CERS3: variants seen among roughly 807,000 people sequenced by gnomAD.
CERS3 encodes LAG1 homolog, ceramide synthase 3.
Under a neutral mutation model 50.3 loss-of-function variants are expected in CERS3, and 33 were observed. That is an observed-to-expected ratio of 0.66 (90% CI 0.50 to 0.88). The LOEUF (loss-of-function observed/expected upper bound fraction) is 0.88. CERS3 is among the 40% of genes least tolerant of loss of function. The pLI, the probability that CERS3 is intolerant of heterozygous loss-of-function variation, is 0.00. For synonymous variants in CERS3, 176 were observed against 155.2 expected (o/e 1.13, Z -0.99); for missense variants, 470 against 460.3 (o/e 1.02, Z -0.19).
At chr15:100,519,572 G>A (rs1197593668) in intron 2 of CERS3, among the ~76,000 whole-genome samples, 3 of 152,162 alleles carry the variant, frequency 2.0e-5, no homozygotes, top group Non-Finnish European at 2.9e-5. Context: ...CTGAGCCCCA[G>A]TGATGTCCTC....
At chr15:100,453,105 C>CA (rs36083318) in intron 11 of CERS3, among the ~76,000 whole-genome samples, 69,858 of 149,086 alleles carry the variant, frequency 0.47, 16,857 homozygotes, top group Non-Finnish European at 0.54. Context: ...TTAAACTATT[C>CA]AAAAAAAAAA....
chr15:100,496,161 T>C (rs1018028675), intron 3 of CERS3, among the ~76,000 whole-genome samples: 3 of 152,248 alleles, frequency 2.0e-5, no homozygotes, highest in African/African-American at 7.2e-5. Flanking sequence ...TAACAGTGCC[T>C]TGAAGAGCAA....
intron 11 of CERS3, among the ~76,000 whole-genome samples, chr15:100,425,671 T>C (rs2032767861): frequency 6.6e-6 from 1 of 152,230 alleles, no homozygotes; most frequent in Non-Finnish European, 1.5e-5. Flanking sequence ...CTTTGGACTT[T>C]GGACTTTTGA....
intron 11 of CERS3, among the ~76,000 whole-genome samples, chr15:100,436,769 T>C (rs2033428179): frequency 6.6e-6 from 1 of 152,066 alleles, no homozygotes; most frequent in South Asian, 2.1e-4. Context: ...AAAAAAGAGA[T>C]TGTTTTACTT....
intron 11 of CERS3, among the ~76,000 whole-genome samples, chr15:100,426,984 G>A (rs561195583): frequency 2.4e-4 from 37 of 152,288 alleles, no homozygotes; most frequent in African/African-American, 8.7e-4. Flanking sequence ...CTCTCCAAAT[G>A]CTGTCTTCAG....
At chr15:100,538,261 C>T (rs548097104) in intron 1 of CERS3, among the ~76,000 whole-genome samples, 4 of 152,298 alleles carry the variant, frequency 2.6e-5, no homozygotes, top group Admixed American at 2.6e-4. Context: ...ATGGATCTAC[C>T]ATTATGGGGT....
At chr15:100,414,997 C>T (rs1421600185) in intron 11 of CERS3, among the ~76,000 whole-genome samples, 1 of 152,094 alleles carries the variant, frequency 6.6e-6, no homozygotes, top group Non-Finnish European at 1.5e-5. Flanking sequence ...AGTTAACAGG[C>T]AACCTACAGA....
chr15:100,427,666 G>A (rs1330867016), intron 11 of CERS3, among the ~76,000 whole-genome samples: 2 of 152,326 alleles, frequency 1.3e-5, no homozygotes, highest in South Asian at 4.1e-4. Flanking sequence ...ACGATGAAGT[G>A]ATGAAGATTG....
chr15:100,512,914 C>T (rs924912927), intron 2 of CERS3, among the ~76,000 whole-genome samples: 1 of 152,154 alleles, frequency 6.6e-6, no homozygotes, highest in African/African-American at 2.4e-5. Context: ...TGTGATTCTG[C>T]CCTTTTGCTC....
At chr15:100,468,410 CA>C (rs2034854613) in intron 10 of CERS3, among the ~76,000 whole-genome samples, 1 of 152,160 alleles carries the variant, frequency 6.6e-6, no homozygotes, top group Non-Finnish European at 1.5e-5. Flanking sequence ...TGTTCCTCTC[CA>C]GAAAATGCCG....
At chr15:100,443,941 C>CACT (rs1188547997) in intron 11 of CERS3, among the ~76,000 whole-genome samples, 2 of 152,276 alleles carry the variant, frequency 1.3e-5, no homozygotes, top group East Asian at 3.9e-4. Flanking sequence ...ATCCTTTCCC[C>CACT]ACTCCTCTTT....
At chr15:100,411,079 T>TATGTCCA (rs1176496725) in intron 11 of CERS3, among the ~76,000 whole-genome samples, 5 of 152,252 alleles carry the variant, frequency 3.3e-5, no homozygotes, top group Non-Finnish European at 7.3e-5. Context: ...TATGTCTTCT[T>TATGTCCA]GTAATTGGCT....
At chr15:100,478,362 G>C (rs971249076) in intron 7 of CERS3, among the ~76,000 whole-genome samples, 19 of 152,154 alleles carry the variant, frequency 1.2e-4, no homozygotes, top group African/African-American at 4.6e-4. Context: ...AAGCTAACAA[G>C]TTAGTTAGCC....
intron 11 of CERS3, among the ~76,000 whole-genome samples, chr15:100,412,655 G>T (rs550278298): frequency 6.6e-6 from 1 of 152,076 alleles, no homozygotes; most frequent in Non-Finnish European, 1.5e-5. Flanking sequence ...GCTGTTCCAC[G>T]TATACAGAAT....
At chr15:100,480,840 C>A (rs1183732474) in intron 5 of CERS3, among the ~76,000 whole-genome samples, 5 of 152,106 alleles carry the variant, frequency 3.3e-5, no homozygotes, top group African/African-American at 1.2e-4. Flanking sequence ...TGCTTCCAAA[C>A]CTATCTGTGG....
intron 11 of CERS3, among the ~76,000 whole-genome samples, chr15:100,448,735 A>G (rs984695316): frequency 3.3e-5 from 5 of 152,358 alleles, no homozygotes; most frequent in African/African-American, 1.2e-4. Context: ...TGTTGCTACC[A>G]GGGCTGAAGC....
Position 100,504,470 on chromosome 15 carries a change from C to G in CERS3, c.-1-2620G>C, listed in dbSNP as rs111580464. On this transcript the variant is annotated intron_variant, in intron 2 of 11. Coordinates refer to ENST00000679737, the MANE Select transcript of CERS3 (RefSeq NM_001378789.1). ...GTTGGTCAGTCTGGTCTTGAACTCC[C>G]AACCTCAGGTGATCCGCCCGCCTCA... Among the ~76,000 whole-genome samples, 1,293 of 152,078 alleles carry G rather than the reference C, an allele frequency of 8.5e-3. 21 individuals carry two copies. The highest frequency in any genetic ancestry group is 0.029 in the African/African-American group (1,219 of 41,506).
intron 11 of CERS3, among the ~76,000 whole-genome samples, chr15:100,412,014 T>A (rs2031529212): frequency 6.6e-6 from 1 of 152,220 alleles, no homozygotes. Flanking sequence ...AGTTTATGAA[T>A]CCCTTATCAG....
At chr15:100,435,460 AC>A (rs971317846) in intron 11 of CERS3, among the ~76,000 whole-genome samples, 1 of 152,248 alleles carries the variant, frequency 6.6e-6, no homozygotes, top group Non-Finnish European at 1.5e-5. Flanking sequence ...TACACCTTAT[AC>A]AAAAATTAAC....
Sources: gnomAD v4.1 joint callset for allele counts (sites outside exome capture counted in the v4.1 genomes callset) on GRCh38, gnomAD v4.1.1 for gene constraint, MANE v1.5 for transcripts, NCBI Gene and HGNC (gene_info 2026-07-23, HGNC 2026-07-21) for gene names.